Variants in KIF13A observed in about 807,000 individuals in gnomAD.
KIF13A encodes the protein kinesin family member 13A, also known as kinesin-like protein KIF13A.
Under a neutral mutation model 212.2 loss-of-function variants are expected in KIF13A, and 79 were observed. The observed-to-expected ratio is 0.37, with a 90% CI of 0.31 to 0.45. KIF13A has a LOEUF of 0.45. KIF13A is among the 20% of genes least tolerant of loss of function. The pLI, the probability that KIF13A is intolerant of heterozygous loss-of-function variation, is 1.00. For missense variants in KIF13A, 1,901 were observed against 2,209.0 expected (o/e 0.86, Z 2.79); for synonymous variants, 789 against 808.6 (o/e 0.98, Z 0.41).
chr6:17,874,251 C>A (rs1770283664), intron 3 of KIF13A, among the ~76,000 whole-genome samples: 1 of 150,886 alleles, frequency 6.6e-6, no homozygotes, highest in African/African-American at 2.4e-5. Context: ...TGCAGGCAAT[C>A]TCCAGCAAAG....
At chr6:17,955,583 A>C (rs961010711) in intron 2 of KIF13A, among the ~76,000 whole-genome samples, 5 of 152,252 alleles carry the variant, frequency 3.3e-5, no homozygotes, top group African/African-American at 1.2e-4. Context: ...TAATACAAAA[A>C]GTAGCCATTT....
At chr6:17,969,900 AAATGCCTGTG>A (rs1412072365) in intron 2 of KIF13A, among the ~76,000 whole-genome samples, 1 of 151,876 alleles carries the variant, frequency 6.6e-6, no homozygotes, top group Non-Finnish European at 1.5e-5. Context: ...ATACAAACCT[AAATGCCTGTG>A]TATTTACTTG....
intron 2 of KIF13A, among the ~76,000 whole-genome samples, chr6:17,956,301 T>A (rs1427769629): frequency 6.6e-6 from 1 of 152,226 alleles, no homozygotes; most frequent in South Asian, 2.1e-4. Flanking sequence ...GCTCTGTTAT[T>A]AGACTCAACA....
rs1764952089 is a variant in KIF13A at position 17,826,256 on chromosome 6, C to A, written c.1533-132G>T. Reference sequence around the variant, plus strand: ...CAACTAACGCTTAAAGAAGGAAGAGCAGAATGTGTAACCACTATGAAAACA... The same window carrying A: ...CAACTAACGCTTAAAGAAGGAAGAGAAGAATGTGTAACCACTATGAAAACA... On this transcript the variant is annotated intron_variant, in intron 14 of 38. Coordinates refer to ENST00000259711, the MANE Select transcript of KIF13A (RefSeq NM_022113.6). This position sits in a 1 kb window ranked among gnomAD's most constrained non-coding sequence, Gnocchi z 4.7. The A allele has an allele frequency of 1.8e-5, 12 of 669,716 alleles. No individual in the cohort carries two copies. The South Asian group carries it at 2.0e-4, about 11-fold the overall frequency. The allele number at this position is 669,716 out of a possible 1,614,324, so 41.5% of individuals were successfully genotyped here.
chr6:17,872,414 C>T lies in KIF13A; in HGVS notation c.220+963G>A, dbSNP rs184063811. Among the ~76,000 whole-genome samples the T allele has an allele frequency of 3.3e-5, 5 of 152,182 alleles. No individual in the cohort carries two copies. Among genetic ancestry groups the T allele is most frequent in the African/African-American group, 4.8e-5 (2 of 41,534 alleles). On this transcript the variant is annotated intron_variant, in intron 4 of 38. Coordinates refer to ENST00000259711, the MANE Select transcript of KIF13A (RefSeq NM_022113.6). The surrounding 1 kb of genome is among the most constrained non-coding windows in gnomAD (Gnocchi z 4.7). ...ACACTCAGTAGGAAGAAATAGTTCA[C>T]GAGCTCTATTGTACAACACGGTGAC...
At chr6:17,819,767 T>A (rs1764278319) in intron 16 of KIF13A, among the ~76,000 whole-genome samples, 1 of 152,110 alleles carries the variant, frequency 6.6e-6, no homozygotes, top group African/African-American at 2.4e-5. Context: ...TTTGAGGGCA[T>A]CTGAAGACAT....
intron 2 of KIF13A, among the ~76,000 whole-genome samples, chr6:17,965,109 A>G (rs1381390553): frequency 6.6e-6 from 1 of 152,206 alleles, no homozygotes. Flanking sequence ...AGATTAAGGC[A>G]TGAGCCACTG....
intron 7 of KIF13A, among the ~76,000 whole-genome samples, chr6:17,851,750 A>G (rs1767672715): frequency 6.6e-6 from 1 of 152,256 alleles, no homozygotes; most frequent in Admixed American, 6.5e-5. Context: ...TCCCGGCCAT[A>G]CTGTAAAACC....
chr6:17,901,076 T>C (rs1360202821), intron 2 of KIF13A, among the ~76,000 whole-genome samples: 2 of 95,672 alleles, frequency 2.1e-5, no homozygotes, highest in African/African-American at 4.3e-5. Flanking sequence ...AGCAAGACTC[T>C]GTCTCAAAAA....
At position 17,878,559 on chromosome 6, in the gene KIF13A, C is replaced by T. The variant is rs550711754; in HGVS notation, c.160-5122G>A. 3.3e-5 allele frequency among the ~76,000 whole-genome samples: 5 copies of T among 152,050 alleles called. No individual in the cohort carries two copies. The South Asian group carries it at 1.0e-3, about 32-fold the overall frequency. On this transcript the variant is annotated intron_variant, in intron 3 of 38. Coordinates refer to ENST00000259711, the MANE Select transcript of KIF13A (RefSeq NM_022113.6). ...GCTTCCCAAAGTGTGGTATTACAGG[C>T]ATGAGCCACTGCATCCAGGTCAAAC...
At position 17,835,195 on chromosome 6, in the gene KIF13A, C is replaced by CAA. The variant is rs61697144; in HGVS notation, c.1156-1126_1156-1125dup. ...AGAGACTCTGTCCACCCGCCCCCGC[C>CAA]AAAAAAAAAAAAAAAAAAAAAAAAA... On this transcript the variant is annotated intron_variant, in intron 11 of 38. Transcript: ENST00000259711. Among the ~76,000 whole-genome samples, 37 of 45,940 alleles carry CAA rather than the reference C, an allele frequency of 8.1e-4. 6 individuals carry two copies. The highest frequency in any genetic ancestry group is 1.9e-3 in the East Asian group (2 of 1,028). 30.1% of individuals were successfully genotyped at this position (45,940 alleles called of 152,430 possible). A position where few individuals can be genotyped will look rare whatever the true frequency, so the allele number is the denominator to read the frequency against.
intron 4 of KIF13A, among the ~76,000 whole-genome samples, chr6:17,857,300 C>T (rs1229964652): frequency 2.6e-5 from 4 of 152,054 alleles, no homozygotes; most frequent in African/African-American, 4.8e-5. Context: ...AATTGTAATC[C>T]CCACGTGTCA....
intron 18 of KIF13A, among the ~76,000 whole-genome samples, chr6:17,805,937 T>TTTTTA (rs1762904745): frequency 8.1e-6 from 1 of 123,078 alleles, no homozygotes; most frequent in African/African-American, 2.9e-5. Flanking sequence ...TTTTTTTTTT[T>TTTTTA]GAGATAGGAT....
At chr6:17,896,845 T>C (rs1412711542) in intron 3 of KIF13A, among the ~76,000 whole-genome samples, 4 of 152,216 alleles carry the variant, frequency 2.6e-5, no homozygotes, top group Admixed American at 2.6e-4. Flanking sequence ...GGTATTTTTC[T>C]GTGGGGGAAT....
At position 17,987,431 on chromosome 6, in the gene KIF13A, C is replaced by A; in HGVS notation, c.33G>T (p.Arg11=). ...CACCTCGTCGGTTCATGGGCCGGAC[C>A]CGGACGGCAACTTTTACCTTGGTAT... MSDTKVKVAV[R]VRPMNRRELE... Residue 11 remains arginine (R), a synonymous_variant, in exon 1 of 39, where the codon CGG becomes CGT. Transcript: ENST00000259711. This position sits in a 1 kb window ranked among gnomAD's most constrained non-coding sequence, Gnocchi z 7.7. The A allele has an allele frequency of 8.1e-6, 11 of 1,352,374 alleles. No homozygotes were observed. The highest frequency in any genetic ancestry group is 1.3e-5 in the South Asian group (1 of 79,674). 83.8% of individuals were successfully genotyped at this position (1,352,374 alleles called of 1,614,324 possible).
chr6:17,872,017 A>G lies in KIF13A; in HGVS notation c.220+1360T>C, dbSNP rs149068408. ...GAAGAACTTATTACATAAAGTCCCA[A>G]AGGACTGATAAAAAGACAAATTAAT... On this transcript the variant is annotated intron_variant, in intron 4 of 38. Transcript: ENST00000259711. This position sits in a 1 kb window ranked among gnomAD's most constrained non-coding sequence, Gnocchi z 4.7. Among the ~76,000 whole-genome samples the G allele has an allele frequency of 3.9e-5, 6 of 152,322 alleles. No homozygotes were observed. The East Asian group carries it at 1.2e-3, about 29-fold the overall frequency.
In KIF13A at chr6:17,914,067, T is replaced by C. The variant is rs533359733; in HGVS notation, c.147-15887A>G. On this transcript the variant is annotated intron_variant, in intron 2 of 38. Coordinates refer to ENST00000259711, the MANE Select transcript of KIF13A (RefSeq NM_022113.6). This position sits in a 1 kb window ranked among gnomAD's most constrained non-coding sequence, Gnocchi z 5.9. ...CAACACTTACAAAAGTATCAGTCCC[T>C]GATGGAATTCAAAAGGAAAAAGAAA... is the stretch of plus-strand genomic sequence containing the variant. Among the ~76,000 whole-genome samples, 3 of 152,318 alleles carry C rather than the reference T, an allele frequency of 2.0e-5. No individual in the cohort carries two copies. In the South Asian group the frequency reaches 6.2e-4, roughly 32 times the overall value.
intron 2 of KIF13A, among the ~76,000 whole-genome samples, chr6:17,910,260 G>C (rs1226926343): frequency 2.6e-5 from 4 of 152,238 alleles, no homozygotes; most frequent in Admixed American, 2.0e-4. Context: ...TCGCTAGCTA[G>C]AGAACATAGA....
chr6:17,833,846 A>G (rs1765680201), intron 12 of KIF13A, 115 bp downstream of exon 12: 1 of 495,120 alleles, frequency 2.0e-6, no homozygotes. Flanking sequence ...ACAGAGTGAG[A>G]CTCCGTCTCA....
Sources: gnomAD v4.1 joint callset for allele counts (sites outside exome capture counted in the v4.1 genomes callset) on GRCh38, gnomAD v4.1.1 for gene constraint, Gnocchi (gnomAD v3.1) non-coding constraint, MANE v1.5 for transcripts, NCBI Gene and HGNC (gene_info 2026-07-23, HGNC 2026-07-21) for gene names.